Variants in PTPRM observed in about 807,000 individuals in gnomAD.
PTPRM encodes the protein receptor-type tyrosine-protein phosphatase mu.
In PTPRM, 47 loss-of-function variants were observed where a neutral mutation model predicts 186.7. That is an observed-to-expected ratio of 0.25 (90% confidence interval 0.20 to 0.32). The LOEUF is 0.32. PTPRM is among the 10% of genes least tolerant of loss of function. The pLI, the probability that PTPRM is intolerant of heterozygous loss-of-function variation, is 1.00. For missense variants in PTPRM, 1,494 were observed against 1,865.0 expected, an observed-to-expected ratio of 0.80 and a Z score of 3.66; for synonymous variants, 668 against 674.9, an observed-to-expected ratio of 0.99 and a Z score of 0.16.
At chr18:8,169,261 T>C (rs2146432165) in intron 14 of PTPRM, among the ~76,000 whole-genome samples, 1 of 151,866 alleles carries the variant, frequency 6.6e-6, no homozygotes, top group South Asian at 2.1e-4. Flanking sequence ...ATTTAAAAGG[T>C]CCTATAGCAG....
chr18:8,399,226 C>T (rs901454131), intron 32 of PTPRM, among the ~76,000 whole-genome samples: 6 of 152,168 alleles, frequency 3.9e-5, no homozygotes, highest in Non-Finnish European at 8.8e-5. Context: ...TTCCATCATA[C>T]GGTTAAAACA....
intron 20 of PTPRM, among the ~76,000 whole-genome samples, chr18:8,313,007 G>A (rs1357072757): frequency 1.3e-5 from 2 of 152,198 alleles, no homozygotes; most frequent in African/African-American, 4.8e-5. Flanking sequence ...TTAAACTCCA[G>A]AAACCAATAT....
intron 11 of PTPRM, among the ~76,000 whole-genome samples, chr18:8,092,728 G>T (rs1166261362): frequency 6.6e-6 from 1 of 152,120 alleles, no homozygotes; most frequent in Non-Finnish European, 1.5e-5. Flanking sequence ...ACTTTGGGAG[G>T]CAAAGGTGGA....
intron 27 of PTPRM, 53 bp from the exon 28 acceptor site, chr18:8,379,114 G>A: frequency 2.7e-6 from 4 of 1,476,288 alleles, no homozygotes; most frequent in Non-Finnish European, 3.7e-6. Flanking sequence ...GCACGTGAGA[G>A]GAGTCCGCTG....
chr18:8,071,975 A>C (rs1392653235), intron 8 of PTPRM, among the ~76,000 whole-genome samples: 2 of 152,250 alleles, frequency 1.3e-5, no homozygotes, highest in African/African-American at 2.4e-5. Context: ...GTAGGCTGTC[A>C]GAAAGGGGCC....
intron 1 of PTPRM, among the ~76,000 whole-genome samples, chr18:7,768,599 C>T (rs1011582184): frequency 2.6e-5 from 4 of 151,518 alleles, no homozygotes; most frequent in South Asian, 2.1e-4. Context: ...TAGTAGCCCA[C>T]GAAGTCATTG....
At chr18:8,332,706 C>T (rs2095418387) in intron 22 of PTPRM, among the ~76,000 whole-genome samples, 1 of 152,140 alleles carries the variant, frequency 6.6e-6, no homozygotes, top group Non-Finnish European at 1.5e-5. Flanking sequence ...TACCCGCCAA[C>T]CAGAGAGGGC....
At chr18:8,199,934 A>G (rs1420083668) in intron 14 of PTPRM, among the ~76,000 whole-genome samples, 1 of 152,088 alleles carries the variant, frequency 6.6e-6, no homozygotes, top group Non-Finnish European at 1.5e-5. Flanking sequence ...TCAAAGCCCC[A>G]ATTCCAAACA....
chr18:7,825,100 C>A (rs1171116442), intron 2 of PTPRM, among the ~76,000 whole-genome samples: 2 of 152,118 alleles, frequency 1.3e-5, no homozygotes, highest in Non-Finnish European at 2.9e-5. Flanking sequence ...CATTTCTGTC[C>A]AGCAATTAAA....
At chr18:8,225,623 G>A (rs75021893) in intron 14 of PTPRM, among the ~76,000 whole-genome samples, 41 of 152,200 alleles carry the variant, frequency 2.7e-4, no homozygotes, top group African/African-American at 7.5e-4. Flanking sequence ...TTTCACCATC[G>A]GTAGCCCTGC....
intron 22 of PTPRM, among the ~76,000 whole-genome samples, chr18:8,332,078 A>G (rs149369789): frequency 2.0e-5 from 3 of 152,354 alleles, no homozygotes; most frequent in East Asian, 1.9e-4. Flanking sequence ...GAGCTTTAAC[A>G]TGGTAAGTTC....
chr18:7,643,504 T>C (rs995507324), intron 1 of PTPRM, among the ~76,000 whole-genome samples: 3 of 152,044 alleles, frequency 2.0e-5, no homozygotes, highest in Non-Finnish European at 2.9e-5. Context: ...CATGCCTGGC[T>C]AATTTTTTTG....
intron 22 of PTPRM, among the ~76,000 whole-genome samples, chr18:8,320,809 A>G (rs2095341206): frequency 1.3e-5 from 2 of 152,164 alleles, no homozygotes; most frequent in Admixed American, 1.3e-4. Context: ...TTCATCATCT[A>G]TGACTTGAAG....
intron 20 of PTPRM, among the ~76,000 whole-genome samples, chr18:8,307,804 CA>C (rs35139928): frequency 0.091 from 12,828 of 140,694 alleles, 901 homozygotes; most frequent in Admixed American, 0.21. Flanking sequence ...AACTCTGTCT[CA>C]AAAAAAAAAA....
intron 23 of PTPRM, among the ~76,000 whole-genome samples, chr18:8,352,652 G>GTTTTTTTTTTTTTTTTTT (rs142090056): frequency 7.8e-5 from 8 of 102,216 alleles, no homozygotes; most frequent in East Asian, 5.0e-4. Flanking sequence ...TTTTTGGTTT[G>GTTTTTTTTTTTTTTTTTT]GTTTTTTTTG....
intron 3 of PTPRM, among the ~76,000 whole-genome samples, chr18:7,895,292 G>C (rs1418668620): frequency 6.6e-6 from 1 of 152,200 alleles, no homozygotes; most frequent in Non-Finnish European, 1.5e-5. Context: ...TTGAGCCACT[G>C]TTAAGATTTG....
At chr18:8,018,771 AATG>A (rs2085031522) in intron 7 of PTPRM, among the ~76,000 whole-genome samples, 1 of 152,186 alleles carries the variant, frequency 6.6e-6, no homozygotes, top group African/African-American at 2.4e-5. Context: ...CTAGAAACTG[AATG>A]ATGATTCAGA....
intron 1 of PTPRM, among the ~76,000 whole-genome samples, chr18:7,744,723 A>G (rs905819830): frequency 1.1e-4 from 17 of 152,130 alleles, no homozygotes; most frequent in African/African-American, 3.9e-4. Flanking sequence ...GGACACCCCC[A>G]ATATTTTTCC....
intron 8 of PTPRM, among the ~76,000 whole-genome samples, chr18:8,072,307 G>A (rs1466092568): frequency 6.6e-6 from 1 of 152,114 alleles, no homozygotes; most frequent in African/African-American, 2.4e-5. Flanking sequence ...TGAACACTAT[G>A]GGTTTCAAAT....
Sources: gnomAD v4.1 joint callset for allele counts (sites outside exome capture counted in the v4.1 genomes callset) on GRCh38, gnomAD v4.1.1 for gene constraint, MANE v1.5 for transcripts, NCBI Gene and HGNC (gene_info 2026-07-23, HGNC 2026-07-21) for gene names.